HCLS1: variants seen among roughly 807,000 people sequenced by gnomAD.
The protein encoded by HCLS1 is hematopoietic lineage cell-specific protein.
A neutral mutation model predicts 68.6 loss-of-function variants in HCLS1; 44 were observed. That is an observed-to-expected ratio of 0.64 (90% CI 0.50 to 0.82). The LOEUF (loss-of-function observed/expected upper bound fraction) is 0.82, where lower values mean the gene tolerates loss of function less well. Ranked by LOEUF, HCLS1 falls within the 40% of genes least tolerant of loss-of-function variation. The pLI, the probability that HCLS1 is intolerant of heterozygous loss-of-function variation, is 0.00. For synonymous variants in HCLS1, 217 were observed against 225.8 expected, an observed-to-expected ratio of 0.96 and a Z score of 0.35; for missense variants, 602 against 612.1, an observed-to-expected ratio of 0.98 and a Z score of 0.17.
At position 121,641,364 on chromosome 3, in the gene HCLS1, T is replaced by C. The variant is rs910486274; in HGVS notation, c.454+1563A>G. The stretch of plus-strand genomic sequence containing the variant: ...AAAGACATTTTTCAAAGACTGAAAG[T>C]TCTTTCATAGACTCATTGAAAGAAT... On this transcript the variant is annotated intron_variant, in intron 6 of 13. Transcript: ENST00000314583. Among the ~76,000 whole-genome samples, 4 of 152,190 alleles carry C rather than the reference T, an allele frequency of 2.6e-5. No homozygotes were observed. The East Asian group carries it at 5.8e-4, about 22-fold the overall frequency.
chr3:121,639,736 T>C (rs1359830975), intron 6 of HCLS1, among the ~76,000 whole-genome samples: 1 of 152,142 alleles, frequency 6.6e-6, no homozygotes, highest in Non-Finnish European at 1.5e-5. Context: ...CAAATATTTG[T>C]TGAATGTAGC....
At chr3:121,637,795 G>A (rs1054212055) in intron 6 of HCLS1, among the ~76,000 whole-genome samples, 21 of 152,222 alleles carry the variant, frequency 1.4e-4, no homozygotes, top group Admixed American at 1.2e-3. Context: ...AATTATCCAG[G>A]CATGGTGATG....
chr3:121,660,751 G>C (rs1181371240), intron 1 of HCLS1, 69 bp downstream of exon 1: 3 of 152,490 alleles, frequency 2.0e-5, no homozygotes, highest in South Asian at 2.1e-4. Flanking sequence ...CAAGGACTAA[G>C]AGCCAGGTAG....
rs781573878 is a variant in HCLS1, at chr3:121,657,328, G to A, written c.109C>T (p.Arg37Ter). The A allele has an allele frequency of 6.2e-6, 10 of 1,613,796 alleles. No individual in the cohort carries two copies. Among genetic ancestry groups the A allele is most frequent in the South Asian group, 2.2e-5 (2 of 91,082 alleles). The change falls in exon 3 of 14, where the codon CGA (arginine) becomes TGA (stop). Residue 37 changes from arginine (R) to a stop codon, truncating the protein, a stop_gained. Coordinates refer to ENST00000314583, the MANE Select transcript of HCLS1 (RefSeq NM_005335.6). LOFTEE classifies it high-confidence loss of function. ...FVNDISEKEQ[R>*]WGAKTIEGSG... ...CCCTCGATGGTCTTGGCTCCCCATCGTTGCTCCTTTTCAGAGATGTCATTC... is the reference window on the plus strand; with the variant it reads ...CCCTCGATGGTCTTGGCTCCCCATCATTGCTCCTTTTCAGAGATGTCATTC...
At position 121,632,322 on chromosome 3, in the gene HCLS1, C is replaced by T. The variant is rs1243911984; in HGVS notation, c.1240+10G>A. The T allele has an allele frequency of 1.9e-6, 3 of 1,613,110 alleles. No individual in the cohort carries two copies. The highest frequency in any genetic ancestry group is 1.3e-5 in the African/African-American group (1 of 74,922). On this transcript the variant is annotated intron_variant, in intron 12 of 13. Transcript: ENST00000314583. Reference sequence around the variant, plus strand: ...GAGCAAATTCTCCTGCTTCTCCTCCCATCACTCACCAGCCAGAGCAGAAGA... The same window carrying T: ...GAGCAAATTCTCCTGCTTCTCCTCCTATCACTCACCAGCCAGAGCAGAAGA...
rs1292539911 is a variant in HCLS1, at chr3:121,634,291, C to T, written c.819G>A (p.Lys273=). Residue 273 remains lysine, a synonymous_variant, in exon 10 of 14, where the codon AAG becomes AAA. Transcript: ENST00000314583. ...RRQQERKAVT[K]RSPEAPQPVI... ...CTGGCTGTGGAGCCTCAGGGCTCCT[C>T]TTTGTCACAGCCTTTCGCTCCTGTT... is the stretch of plus-strand genomic sequence containing the variant. The T allele has an allele frequency of 1.9e-6, 3 of 1,614,204 alleles. No individual in the cohort carries two copies. The highest frequency in any genetic ancestry group is 1.3e-5 in the African/African-American group (1 of 75,044).
chr3:121,644,682 T>A, intron 5 of HCLS1, 136 bp downstream of exon 5: 1 of 766,438 alleles, frequency 1.3e-6, no homozygotes, highest in East Asian at 2.5e-5. Context: ...GAGGTATCCC[T>A]GTGACGGTGT....
chr3:121,650,908 C>T (rs1029638786), intron 3 of HCLS1, among the ~76,000 whole-genome samples: 8 of 152,066 alleles, frequency 5.3e-5, no homozygotes, highest in South Asian at 2.1e-4. Context: ...GAGGTCAAGG[C>T]GGGTGGATCA....
intron 9 of HCLS1, among the ~76,000 whole-genome samples, 170 bp from the exon 10 acceptor site, chr3:121,634,588 T>G (rs1009230608): frequency 6.6e-6 from 1 of 152,062 alleles, no homozygotes; most frequent in Admixed American, 6.5e-5. Context: ...GAGGATGGCA[T>G]AGCCCTGAAG....
At chr3:121,659,857 ATCC>A (rs1277095483) in intron 1 of HCLS1, among the ~76,000 whole-genome samples, 1 of 152,220 alleles carries the variant, frequency 6.6e-6, no homozygotes, top group Non-Finnish European at 1.5e-5. Flanking sequence ...TGATGGTCCC[ATCC>A]TCCTTCCTGT....
At chr3:121,646,885 T>C (rs1187087439) in intron 4 of HCLS1, among the ~76,000 whole-genome samples, 2 of 144,912 alleles carry the variant, frequency 1.4e-5, no homozygotes, top group African/African-American at 5.0e-5. Context: ...GCTCTTATTA[T>C]AGAGGTATAT....
chr3:121,632,416 T>C lies in HCLS1; in HGVS notation c.1156A>G (p.Arg386Gly). Residue 386 changes from arginine to glycine, a missense_variant, in exon 12 of 14, where the codon AGG (arginine) becomes GGG (glycine). Coordinates refer to ENST00000314583, the MANE Select transcript of HCLS1 (RefSeq NM_005335.6). ...TCTGGTTCATCCTCCTGCTCATGCC[T>C]GTCCATCTCCTCAACGTCCTCATAG... ...NDYEDVEEMD[R>G]HEQEDEPEGD... 3 of 1,614,022 alleles carry C rather than the reference T, an allele frequency of 1.9e-6. No individual in the cohort carries two copies. The highest frequency in any genetic ancestry group is 2.5e-6 in the Non-Finnish European group (3 of 1,179,934).
At chr3:121,641,088 A>G (rs1369852101) in intron 6 of HCLS1, among the ~76,000 whole-genome samples, 1 of 152,206 alleles carries the variant, frequency 6.6e-6, no homozygotes, top group Non-Finnish European at 1.5e-5. Context: ...AATGAAAGTC[A>G]CATCTGAGGT....
chr3:121,657,503 T>C (rs541357949), intron 2 of HCLS1, 151 bp from the exon 3 acceptor site: 1 of 676,224 alleles, frequency 1.5e-6, no homozygotes, highest in East Asian at 2.7e-5. Context: ...ATTTATCCCA[T>C]CCTGACCCCA....
chr3:121,632,568 G>A lies in HCLS1; in HGVS notation c.1009-5C>T. 6.2e-7 allele frequency: 1 copy of A among 1,610,182 alleles called. No individual in the cohort carries two copies. The highest frequency in any genetic ancestry group is 8.5e-7 in the Non-Finnish European group (1 of 1,179,056). ...AGCTGGGGGCTCCTCATTGTCCTGA[G>A]AAGAGACAGTGTGGAGCACTGTGAC... On this transcript the variant is annotated splice_region_variant and splice_polypyrimidine_tract_variant and intron_variant, in intron 11 of 13. Coordinates refer to ENST00000314583, the MANE Select transcript of HCLS1 (RefSeq NM_005335.6).
chr3:121,634,526 T>C, intron 9 of HCLS1, 108 bp from the exon 10 acceptor site: 3 of 1,015,140 alleles, frequency 3.0e-6, no homozygotes, highest in Non-Finnish European at 4.5e-6. Context: ...GGAGGAGGGA[T>C]TTGTGGGACA....
chr3:121,657,452 C>T, intron 2 of HCLS1, 100 bp from the exon 3 acceptor site: 1 of 982,908 alleles, frequency 1.0e-6, no homozygotes, highest in South Asian at 1.4e-5. Flanking sequence ...CCTGTGTCCA[C>T]TGCCTTCTTC....
At position 121,631,978 on chromosome 3, in the gene HCLS1, TC is replaced by T. The variant is rs760601153; in HGVS notation, c.1328del (p.Gly443GlufsTer12). 1.2e-6 allele frequency: 2 copies of T among 1,614,092 alleles called. No individual in the cohort carries two copies. Among genetic ancestry groups the T allele is most frequent in the Admixed American group, 3.3e-5 (2 of 60,022 alleles). ...CCGGATCAAAGGAAAGCTCATCACT[TC>T]CCTCTGGGGAGAAAGTTGAGGGGAT... ...AVAVYDYQGEGSDELSFDPDD... is the reference protein window; with the variant it reads ...AVAVYDYQGEXSDELSFDPDD... On this transcript the variant is annotated frameshift_variant, in exon 14 of 14. Transcript: ENST00000314583. LOFTEE classifies it high-confidence loss of function.
chr3:121,646,389 T>A (rs1241808068), intron 4 of HCLS1, among the ~76,000 whole-genome samples: 1 of 57,094 alleles, frequency 1.8e-5, no homozygotes, highest in Non-Finnish European at 3.2e-5. Flanking sequence ...ATGTAATATA[T>A]TACTATGTAA....
Sources: gnomAD v4.1 joint callset for allele counts (sites outside exome capture counted in the v4.1 genomes callset) on GRCh38, gnomAD v4.1.1 for gene constraint, MANE v1.5 for transcripts, NCBI Gene and HGNC (gene_info 2026-07-23, HGNC 2026-07-21) for gene names.